The following RALYL variants were observed in gnomAD, a reference collection of about 807,000 sequenced individuals.
RALYL encodes RALY RNA binding protein like, also known as RNA-binding Raly-like protein.
Under a neutral mutation model 35.1 loss-of-function variants are expected in RALYL, and 29 were observed. The observed-to-expected ratio is 0.83, with a 90% CI of 0.61 to 1.13. The LOEUF (loss-of-function observed/expected upper bound fraction) is 1.13, where lower values mean the gene tolerates loss of function less well. Ranked by LOEUF, RALYL falls within the 50% of genes most tolerant of loss-of-function variation. The pLI, the probability that RALYL is intolerant of heterozygous loss-of-function variation, is 0.00. For synonymous variants in RALYL, 120 were observed against 127.6 expected, an observed-to-expected ratio of 0.94 and a Z score of 0.40; for missense variants, 359 against 360.4, an observed-to-expected ratio of 1.00 and a Z score of 0.03.
intron 1 of RALYL, among the ~76,000 whole-genome samples, chr8:84,366,631 T>C (rs1854330428): frequency 6.6e-6 from 1 of 151,522 alleles, no homozygotes; most frequent in South Asian, 2.1e-4. Context: ...AAAATTTAGT[T>C]GGATGTGGTG....
In RALYL at chr8:84,611,782, T is replaced by G. The variant is rs573050099; in HGVS notation, c.256+82205T>G. On this transcript the variant is annotated intron_variant, in intron 2 of 8. Coordinates refer to ENST00000521268, the MANE Select transcript of RALYL (RefSeq NM_173848.7). ...CCTACTTTCTCATTATCATTGTATCTCCACTTTCCCTAAACTGTAGTAATG... is the reference window on the plus strand; with the variant it reads ...CCTACTTTCTCATTATCATTGTATCGCCACTTTCCCTAAACTGTAGTAATG... Among the ~76,000 whole-genome samples, 7 of 152,254 alleles carry G rather than the reference T, an allele frequency of 4.6e-5. No homozygotes were observed. The South Asian group carries it at 6.2e-4, about 14-fold the overall frequency.
chr8:84,630,569 A>G (rs1823702991), intron 2 of RALYL, among the ~76,000 whole-genome samples: 1 of 152,032 alleles, frequency 6.6e-6, no homozygotes, highest in Admixed American at 6.6e-5. Flanking sequence ...GCTCATCTTT[A>G]AATTAGGACG....
At chr8:84,467,357 G>T (rs1233662629) in intron 1 of RALYL, among the ~76,000 whole-genome samples, 1 of 151,184 alleles carries the variant, frequency 6.6e-6, no homozygotes, top group African/African-American at 2.4e-5. Flanking sequence ...TGTTCTCGTT[G>T]GTTTCAAAGA....
intron 1 of RALYL, among the ~76,000 whole-genome samples, chr8:84,335,780 A>G (rs1213413480): frequency 7.6e-6 from 1 of 132,242 alleles, no homozygotes; most frequent in Non-Finnish European, 1.5e-5. Context: ...GTGGGCAAAC[A>G]TTTCCGTTGG....
chr8:84,661,059 G>A (rs898820232), intron 2 of RALYL, among the ~76,000 whole-genome samples: 4 of 152,000 alleles, frequency 2.6e-5, no homozygotes, highest in Non-Finnish European at 5.9e-5. Flanking sequence ...CTCCCGACTA[G>A]CTGGGACTAC....
intron 4 of RALYL, among the ~76,000 whole-genome samples, chr8:84,830,436 G>A (rs1312758339): frequency 6.6e-6 from 1 of 152,264 alleles, no homozygotes; most frequent in African/African-American, 2.4e-5. Context: ...CCCCAAGGTG[G>A]CTGGTGAAGA....
intron 1 of RALYL, among the ~76,000 whole-genome samples, chr8:84,466,575 G>T (rs926441731): frequency 4.3e-4 from 65 of 151,142 alleles, no homozygotes; most frequent in African/African-American, 1.3e-3. Flanking sequence ...TTGCATCAAT[G>T]TTCATCAAGG....
intron 1 of RALYL, among the ~76,000 whole-genome samples, chr8:84,474,277 C>T (rs780943922): frequency 6.6e-6 from 1 of 152,036 alleles, no homozygotes; most frequent in Non-Finnish European, 1.5e-5. Context: ...ACATGCTTTC[C>T]ACTTGATTAG....
chr8:84,467,192 G>A (rs908099478), intron 1 of RALYL, among the ~76,000 whole-genome samples: 61 of 152,036 alleles, frequency 4.0e-4, no homozygotes, highest in African/African-American at 1.4e-3. Flanking sequence ...TAGCTTTTGA[G>A]TGTGTTTGCT....
At chr8:84,249,929 A>C (rs1829854501) in intron 1 of RALYL, among the ~76,000 whole-genome samples, 1 of 152,010 alleles carries the variant, frequency 6.6e-6, no homozygotes, top group Non-Finnish European at 1.5e-5. Flanking sequence ...AATAACAAGA[A>C]GATATAAAAA....
At chr8:84,650,117 T>C (rs1374884706) in intron 2 of RALYL, among the ~76,000 whole-genome samples, 1 of 152,096 alleles carries the variant, frequency 6.6e-6, no homozygotes, top group Admixed American at 6.6e-5. Flanking sequence ...CTTGTGATTT[T>C]TGTACATTGA....
At chr8:84,515,475 G>T (rs79328283) in intron 1 of RALYL, among the ~76,000 whole-genome samples, 1 of 152,122 alleles carries the variant, frequency 6.6e-6, no homozygotes, top group African/African-American at 2.4e-5. Context: ...CCTAAAATTT[G>T]TGAAAAGGCT....
In RALYL at chr8:84,733,618, C is replaced by T. The variant is rs117521609; in HGVS notation, c.257-40961C>T. Reference sequence around the variant, plus strand: ...AAAATTTAGCCTGAGCTTTAAAGTGCTGGTCTTGAAATCTAGTGAACCAGA... The same window carrying T: ...AAAATTTAGCCTGAGCTTTAAAGTGTTGGTCTTGAAATCTAGTGAACCAGA... On this transcript the variant is annotated intron_variant, in intron 2 of 8. Transcript: ENST00000521268. 1.2e-4 allele frequency among the ~76,000 whole-genome samples: 19 copies of T among 152,268 alleles called. 1 individual carries two copies. The East Asian group carries it at 3.5e-3, about 28-fold the overall frequency.
intron 1 of RALYL, among the ~76,000 whole-genome samples, chr8:84,238,176 T>C (rs889761053): frequency 1.3e-5 from 2 of 152,126 alleles, no homozygotes; most frequent in African/African-American, 4.8e-5. Context: ...TGGTCTATTA[T>C]CAGAGGTGAG....
intron 4 of RALYL, among the ~76,000 whole-genome samples, chr8:84,814,756 C>A (rs951201798): frequency 6.6e-6 from 1 of 152,144 alleles, no homozygotes; most frequent in Non-Finnish European, 1.5e-5. Flanking sequence ...ATAAAAAGAA[C>A]TTTCTTCATA....
chr8:84,471,197 A>T (rs180842933), intron 1 of RALYL, among the ~76,000 whole-genome samples: 7 of 152,300 alleles, frequency 4.6e-5, no homozygotes, highest in East Asian at 1.9e-4. Context: ...AATATATTGA[A>T]CTAATATATT....
At chr8:84,194,072 A>G (rs1318399640) in intron 1 of RALYL, among the ~76,000 whole-genome samples, 2 of 152,208 alleles carry the variant, frequency 1.3e-5, no homozygotes, top group Non-Finnish European at 2.9e-5. Context: ...AGAAAAGACT[A>G]TTGTATTTCT....
intron 1 of RALYL, among the ~76,000 whole-genome samples, chr8:84,255,628 T>C (rs942224973): frequency 3.3e-5 from 5 of 152,194 alleles, no homozygotes; most frequent in Non-Finnish European, 7.4e-5. Context: ...CACTTGAACT[T>C]TTTCACGGAG....
At chr8:84,917,665 T>C (rs1219186166) in intron 8 of RALYL, among the ~76,000 whole-genome samples, 2 of 151,562 alleles carry the variant, frequency 1.3e-5, no homozygotes, top group African/African-American at 4.8e-5. Context: ...AACTCAGGAA[T>C]AGAGATTATT....
Sources: gnomAD v4.1 joint callset for allele counts (sites outside exome capture counted in the v4.1 genomes callset) on GRCh38, gnomAD v4.1.1 for gene constraint, MANE v1.5 for transcripts, NCBI Gene and HGNC (gene_info 2026-07-23, HGNC 2026-07-21) for gene names.